The following ITPR2 variants were observed in gnomAD, a reference collection of about 807,000 sequenced individuals.
The protein encoded by ITPR2 is inositol 1,4,5-trisphosphate receptor type 2.
ITPR2 carries 207 observed loss-of-function variants against 317.1 expected under a neutral mutation model. The ratio of observed to expected loss-of-function variants is 0.65; its 90% CI spans 0.58 to 0.73. The LOEUF is 0.73. Ranked by LOEUF, ITPR2 falls within the 30% of genes least tolerant of loss-of-function variation. The probability of loss-of-function intolerance (pLI) is 0.00; values close to 1 mark genes in which losing one functional copy is unlikely to be tolerated. For synonymous variants in ITPR2, 1,156 were observed against 1,149.1 expected, an observed-to-expected ratio of 1.01 and a Z score of -0.12; for missense variants, 2,613 against 3,284.0, an observed-to-expected ratio of 0.80 and a Z score of 4.99.
At chr12:26,418,859 G>C (rs962449762) in intron 50 of ITPR2, among the ~76,000 whole-genome samples, 190 bp downstream of exon 50, 1 of 152,176 alleles carries the variant, frequency 6.6e-6, no homozygotes, top group Admixed American at 6.5e-5. Context: ...TCCACCACCT[G>C]TGTGGTTTCC....
intron 26 of ITPR2, among the ~76,000 whole-genome samples, chr12:26,610,234 T>C (rs1946231253): frequency 6.6e-6 from 1 of 152,208 alleles, no homozygotes; most frequent in Non-Finnish European, 1.5e-5. Flanking sequence ...AGCTAATCGA[T>C]CACAAGTTTG....
chr12:26,655,597 G>A (rs552225732), intron 20 of ITPR2, 111 bp downstream of exon 20: 20 of 905,926 alleles, frequency 2.2e-5, no homozygotes, highest in Admixed American at 2.8e-5. Context: ...CTGGGCGACC[G>A]AGTGAGACTC....
chr12:26,708,285 G>T (rs1441213614), intron 9 of ITPR2, among the ~76,000 whole-genome samples: 1 of 152,254 alleles, frequency 6.6e-6, no homozygotes, highest in African/African-American at 2.4e-5. Flanking sequence ...TATGGAAGAG[G>T]TACCTGCATT....
chr12:26,486,446 C>T (rs930336954), intron 40 of ITPR2, 86 bp from the exon 41 acceptor site: 8 of 1,059,368 alleles, frequency 7.6e-6, no homozygotes, highest in Admixed American at 5.2e-5. Flanking sequence ...TACCCAAATT[C>T]TCTAACAATT....
chr12:26,773,914 G>A (rs1344980276), intron 2 of ITPR2, among the ~76,000 whole-genome samples: 1 of 150,224 alleles, frequency 6.7e-6, no homozygotes, highest in African/African-American at 2.5e-5. Flanking sequence ...TTAGCAGTAA[G>A]GGTTATAAAC....
chr12:26,766,297 G>GC (rs1555188094), intron 2 of ITPR2, among the ~76,000 whole-genome samples: 1 of 146,718 alleles, frequency 6.8e-6, no homozygotes, highest in Non-Finnish European at 1.5e-5. Flanking sequence ...TTTATTATCT[G>GC]TTTTTTTTTT....
chr12:26,800,186 C>A (rs1021840400), intron 1 of ITPR2, among the ~76,000 whole-genome samples: 2 of 150,956 alleles, frequency 1.3e-5, no homozygotes, highest in African/African-American at 2.4e-5. Context: ...TATATTTTGT[C>A]CAGAATTTAC....
At chr12:26,738,633 T>A (rs1949172549) in intron 2 of ITPR2, among the ~76,000 whole-genome samples, 2 of 152,188 alleles carry the variant, frequency 1.3e-5, no homozygotes, top group Non-Finnish European at 2.9e-5. Context: ...GTTTTTTCTT[T>A]TTACCAACAA....
intron 9 of ITPR2, among the ~76,000 whole-genome samples, chr12:26,709,724 T>G (rs1948613049): frequency 6.6e-6 from 1 of 152,240 alleles, no homozygotes; most frequent in Non-Finnish European, 1.5e-5. Flanking sequence ...TCCTAATTTC[T>G]TATCTTTTAT....
chr12:26,458,052 G>GT (rs1941933122), intron 45 of ITPR2, among the ~76,000 whole-genome samples: 1 of 152,202 alleles, frequency 6.6e-6, no homozygotes, highest in Admixed American at 6.5e-5. Context: ...CTATGGAAAT[G>GT]TTTGGTGAGG....
intron 54 of ITPR2, among the ~76,000 whole-genome samples, chr12:26,395,000 G>C (rs1179707395): frequency 6.6e-6 from 1 of 152,168 alleles, no homozygotes; most frequent in African/African-American, 2.4e-5. Flanking sequence ...GACAGAAAGG[G>C]ATGATGGACT....
chr12:26,824,190 G>A lies in ITPR2; in HGVS notation c.92+8500C>T, dbSNP rs916664655. Among the ~76,000 whole-genome samples, 6 of 152,226 alleles carry A rather than the reference G, an allele frequency of 3.9e-5. No homozygotes were observed. The East Asian group carries it at 1.2e-3, about 29-fold the overall frequency. ...ATACAAAGCCTATTTTGTAATAAAAGTGTTGAATATCTCATGTAATTTATT... is the reference window on the plus strand; with the variant it reads ...ATACAAAGCCTATTTTGTAATAAAAATGTTGAATATCTCATGTAATTTATT... On this transcript the variant is annotated intron_variant, in intron 1 of 56. Coordinates refer to ENST00000381340, the MANE Select transcript of ITPR2 (RefSeq NM_002223.4).
At chr12:26,749,024 G>A (rs1383605805) in intron 2 of ITPR2, among the ~76,000 whole-genome samples, 2 of 152,188 alleles carry the variant, frequency 1.3e-5, no homozygotes, top group Non-Finnish European at 2.9e-5. Flanking sequence ...ATGACTAAAC[G>A]AAGTGAGATT....
intron 51 of ITPR2, 24 bp downstream of exon 51, chr12:26,415,279 C>A: frequency 1.3e-6 from 2 of 1,520,364 alleles, no homozygotes; most frequent in South Asian, 2.5e-5. Context: ...TCAGAGAAAC[C>A]TCATTTAGTG....
At chr12:26,686,097 T>C (rs1172964508) in intron 11 of ITPR2, among the ~76,000 whole-genome samples, 2 of 152,232 alleles carry the variant, frequency 1.3e-5, no homozygotes, top group Admixed American at 1.3e-4. Flanking sequence ...TCAATAGATA[T>C]TTCTTGACTG....
chr12:26,606,226 G>T (rs1946125218), intron 26 of ITPR2, among the ~76,000 whole-genome samples: 1 of 150,706 alleles, frequency 6.6e-6, no homozygotes. Context: ...AACAGTAAAA[G>T]GCTCGTAGCA....
In ITPR2 at chr12:26,598,459, C is replaced by T. The variant is rs7964446; in HGVS notation, c.4002+686G>A. 7.0e-3 allele frequency among the ~76,000 whole-genome samples: 1,067 copies of T among 152,266 alleles called. 12 individuals carry two copies. The highest frequency in any genetic ancestry group is 0.025 in the African/African-American group (1,035 of 41,548). On this transcript the variant is annotated intron_variant, in intron 30 of 56. Coordinates refer to ENST00000381340, the MANE Select transcript of ITPR2 (RefSeq NM_002223.4). ...TTAACCCAAATGGGCCACTAGAGAA[C>T]CATTTGGTCACAGAGCGGTGATTTA...
intron 54 of ITPR2, among the ~76,000 whole-genome samples, chr12:26,392,560 C>T (rs895112218): frequency 1.3e-5 from 2 of 152,126 alleles, no homozygotes; most frequent in African/African-American, 4.8e-5. Flanking sequence ...TTTTGCATTA[C>T]CAGCACCTGG....
chr12:26,380,201 C>T (rs1274710470), intron 55 of ITPR2, among the ~76,000 whole-genome samples: 3 of 152,178 alleles, frequency 2.0e-5, no homozygotes, highest in Non-Finnish European at 4.4e-5. Context: ...TTCATCTTAA[C>T]AGCATTCAGC....
Sources: gnomAD v4.1 joint callset for allele counts (sites outside exome capture counted in the v4.1 genomes callset) on GRCh38, gnomAD v4.1.1 for gene constraint, MANE v1.5 for transcripts, NCBI Gene and HGNC (gene_info 2026-07-23, HGNC 2026-07-21) for gene names.